The following TLR6 variants were observed in gnomAD, a reference collection of about 807,000 sequenced individuals.
TLR6 encodes the protein toll like receptor 6.
In TLR6, 9 loss-of-function variants were observed where a neutral mutation model predicts 16.1. That is an observed-to-expected ratio of 0.56 (90% confidence interval 0.34 to 0.98). The LOEUF is 0.98. Ranked by LOEUF, TLR6 falls within the 50% of genes least tolerant of loss-of-function variation. The pLI, the probability that TLR6 is intolerant of heterozygous loss-of-function variation, is 0.02. For missense variants in TLR6, 786 were observed against 921.0 expected, an observed-to-expected ratio of 0.85 and a Z score of 1.90; for synonymous variants, 340 against 338.6, an observed-to-expected ratio of 1.00 and a Z score of -0.04.
At chr4:38,830,995 T>C (rs1482248279) in intron 1 of TLR6, among the ~76,000 whole-genome samples, 1 of 145,148 alleles carries the variant, frequency 6.9e-6, no homozygotes, top group African/African-American at 2.5e-5. Flanking sequence ...AAATTAGCCA[T>C]GCAAAGAAAC....
At chr4:38,863,832 T>C in the TLR6 span, among the ~76,000 whole-genome samples, 10,256 of 152,014 alleles carry the variant, frequency 0.067, 742 homozygotes, top group Non-Finnish European at 0.098. Context: ...TTCACCCAAT[T>C]CCAATATGAC....
chr4:38,857,352 A>C (rs1713033803), upstream of TLR6, among the ~76,000 whole-genome samples: 1 of 152,208 alleles, frequency 6.6e-6, no homozygotes, highest in Non-Finnish European at 1.5e-5. Context: ...AATCATACCC[A>C]CATTCTGATC....
At chr4:38,862,740 C>A in the TLR6 span, among the ~76,000 whole-genome samples, 1 of 151,644 alleles carries the variant, frequency 6.6e-6, no homozygotes, top group African/African-American at 2.4e-5. Context: ...GGACTACAGG[C>A]ACGTGCCACC....
exon 2 of TLR6, chr4:38,827,278 G>A: frequency 6.2e-7 from 1 of 1,614,118 alleles, no homozygotes; most frequent in Non-Finnish European, 8.5e-7. Context: ...GTAAGATGAG[G>A]ATTAAGTTAT....
At chr4:38,830,314 G>A (rs1294262237) in intron 1 of TLR6, among the ~76,000 whole-genome samples, 2 of 152,150 alleles carry the variant, frequency 1.3e-5, no homozygotes, top group African/African-American at 2.4e-5. Context: ...TAAGCTAACT[G>A]GACAGAAAAT....
At chr4:38,827,788 G>A (rs1026583628) in exon 2 of TLR6, 1 of 1,614,122 alleles carries the variant, frequency 6.2e-7, no homozygotes, top group Non-Finnish European at 8.5e-7. Context: ...TTTCTGGGTA[G>A]TCACACTTAT....
At chr4:38,846,226 G>A (rs748131837) in intron 1 of TLR6, among the ~76,000 whole-genome samples, 1 of 151,998 alleles carries the variant, frequency 6.6e-6, no homozygotes, top group East Asian at 1.9e-4. Flanking sequence ...CAATCAAGAA[G>A]CATGATACTG....
intron 1 of TLR6, among the ~76,000 whole-genome samples, chr4:38,833,989 G>A (rs1166923956): frequency 6.6e-6 from 1 of 151,904 alleles, no homozygotes. Context: ...CACTTTGGGA[G>A]GCTGAGGTGG....
the TLR6 span, among the ~76,000 whole-genome samples, chr4:38,862,596 T>G: frequency 7.2e-6 from 1 of 139,162 alleles, no homozygotes; most frequent in Non-Finnish European, 1.5e-5. Flanking sequence ...CACCATTTTT[T>G]TTTTTTTTTT....
chr4:38,865,907 G>A, the TLR6 span, among the ~76,000 whole-genome samples: 1 of 152,220 alleles, frequency 6.6e-6, no homozygotes, highest in South Asian at 2.1e-4. Context: ...GGGAGGCCGA[G>A]GTGGGCAGAT....
chr4:38,839,042 AAG>A lies in TLR6; in HGVS notation c.-64-9507_-64-9506del, dbSNP rs1712099338. ...GAAAGAAAGTTAAGAAAGAGAGAGA[AAG>A]AAAGAAAAAGAGAGAAAGAAATAGA... On this transcript the variant is annotated intron_variant, in intron 1 of 1. Coordinates refer to ENST00000436693, the Ensembl canonical transcript of TLR6. Among the ~76,000 whole-genome samples, 3 of 135,776 alleles carry A rather than the reference AAG, an allele frequency of 2.2e-5. No individual in the cohort carries two copies. The South Asian group carries it at 7.7e-4, about 35-fold the overall frequency. The allele number at this position is 135,776 out of a possible 152,430, so 89.1% of individuals were successfully genotyped here.
chr4:38,853,786 G>T (rs1035780966), intron 1 of TLR6, among the ~76,000 whole-genome samples: 20 of 152,070 alleles, frequency 1.3e-4, no homozygotes, highest in African/African-American at 4.8e-4. Flanking sequence ...ATTCTATTTT[G>T]AAAACAAATC....
At chr4:38,847,467 G>A (rs1343976194) in intron 1 of TLR6, among the ~76,000 whole-genome samples, 1 of 152,074 alleles carries the variant, frequency 6.6e-6, no homozygotes, top group Non-Finnish European at 1.5e-5. Context: ...CAATGAGTGT[G>A]AGCCGAAGCA....
the TLR6 span, among the ~76,000 whole-genome samples, chr4:38,866,227 C>A: frequency 1.3e-5 from 2 of 151,364 alleles, no homozygotes; most frequent in African/African-American, 2.4e-5. Context: ...CACGGTGGCT[C>A]ATGCCTGTAA....
chr4:38,837,172 A>T (rs1711971466), intron 1 of TLR6, among the ~76,000 whole-genome samples: 1 of 152,156 alleles, frequency 6.6e-6, no homozygotes. Flanking sequence ...AAAGCAATCT[A>T]CAGATCCAAT....
At chr4:38,834,322 C>T (rs11486580) in intron 1 of TLR6, among the ~76,000 whole-genome samples, 3,332 of 130,348 alleles carry the variant, frequency 0.026, 132 homozygotes, top group African/African-American at 0.085. Context: ...AACTGGAAGA[C>T]AGGTCTTTTG....
rs145228897 is a variant in TLR6, at chr4:38,844,605, C to T, written c.-65+12156G>A. ...TAAGCTGTACCCTACAAAAAGAGAACATCATATGTCTAAGTCTCTAGAGTT... is the reference window on the plus strand; with the variant it reads ...TAAGCTGTACCCTACAAAAAGAGAATATCATATGTCTAAGTCTCTAGAGTT... On this transcript the variant is annotated intron_variant, in intron 1 of 1. Transcript: ENST00000436693. 1.5e-4 allele frequency among the ~76,000 whole-genome samples: 23 copies of T among 152,202 alleles called. No individual in the cohort carries two copies. The East Asian group carries it at 3.5e-3, about 23-fold the overall frequency.
exon 2 of TLR6, chr4:38,829,042 G>A: frequency 6.2e-7 from 1 of 1,614,168 alleles, no homozygotes; most frequent in South Asian, 1.1e-5. Context: ...GTTGTGATAA[G>A]TTGCCAAATT....
intron 1 of TLR6, among the ~76,000 whole-genome samples, chr4:38,831,134 A>G (rs2109418459): frequency 6.6e-6 from 1 of 152,334 alleles, no homozygotes; most frequent in South Asian, 2.1e-4. Context: ...GGTTTTGGTG[A>G]AAGAATAGAC....
Sources: allele counts gnomAD v4.1 joint callset (sites outside exome capture counted in the v4.1 genomes callset), GRCh38; gene constraint gnomAD v4.1.1; transcripts MANE v1.5; gene names NCBI Gene and HGNC (gene_info 2026-07-23, HGNC 2026-07-21).